Variants in TRPC5 observed in about 807,000 individuals in gnomAD.
TRPC5 encodes short transient receptor potential channel 5.
Under a neutral mutation model 56.5 loss-of-function variants are expected in TRPC5, and 9 were observed. That is an observed-to-expected ratio of 0.16 (90% confidence interval 0.10 to 0.28). The LOEUF (loss-of-function observed/expected upper bound fraction) is 0.28, where lower values mean the gene tolerates loss of function less well. Among genes scored for constraint, TRPC5 ranks in the 10% least tolerant of loss-of-function variants. The pLI, the probability that TRPC5 is intolerant of heterozygous loss-of-function variation, is 1.00. For missense variants in TRPC5, 469 were observed against 748.9 expected, an observed-to-expected ratio of 0.63 and a Z score of 4.36; for synonymous variants, 282 against 278.5, an observed-to-expected ratio of 1.01 and a Z score of -0.13.
chrX:112,064,094 C>CG (rs1930523428), intron 1 of TRPC5, among the ~76,000 whole-genome samples: 2 of 112,060 alleles, frequency 1.8e-5, no homozygotes, highest in South Asian at 7.5e-4. Context: ...GGAAAGTAAA[C>CG]GAAGGCCAAG....
intron 1 of TRPC5, among the ~76,000 whole-genome samples, chrX:112,071,876 C>T (rs1930727959): frequency 8.9e-6 from 1 of 111,871 alleles, no homozygotes; most frequent in Non-Finnish European, 1.9e-5. Context: ...CCAATGGCTG[C>T]AGCTCTTAAT....
intron 1 of TRPC5, among the ~76,000 whole-genome samples, chrX:111,962,683 G>A (rs1927417308): frequency 8.9e-6 from 1 of 112,563 alleles, no homozygotes; most frequent in Non-Finnish European, 1.9e-5. Context: ...ATAAAACAGT[G>A]GCAGGGTTTG....
At chrX:111,858,349 G>A (rs976983586) in intron 3 of TRPC5, among the ~76,000 whole-genome samples, 4 of 111,469 alleles carry the variant, frequency 3.6e-5, no homozygotes, top group Non-Finnish European at 7.5e-5. Context: ...GCCTGGAGCA[G>A]TAGGTTTTTA....
chrX:111,806,765 AT>A (rs1013488968), intron 7 of TRPC5, among the ~76,000 whole-genome samples: 14 of 106,546 alleles, frequency 1.3e-4, no homozygotes, highest in Non-Finnish European at 2.3e-4. Context: ...AACAGTTACC[AT>A]TTTTTTTTCG....
At chrX:112,017,813 C>T (rs1188308083) in intron 1 of TRPC5, among the ~76,000 whole-genome samples, 1 of 110,016 alleles carries the variant, frequency 9.1e-6, no homozygotes, top group African/African-American at 3.5e-5. Context: ...TCTAGAACAC[C>T]GTTTTACCTG....
chrX:111,787,505 G>A (rs1326131570), intron 7 of TRPC5, among the ~76,000 whole-genome samples: 1 of 107,335 alleles, frequency 9.3e-6, no homozygotes. Context: ...AACTAGAGAA[G>A]CAAGAGCAAA....
intron 2 of TRPC5, among the ~76,000 whole-genome samples, chrX:111,913,877 A>G (rs756693524): frequency 2.4e-4 from 26 of 107,623 alleles, no homozygotes; most frequent in Middle Eastern, 9.4e-3. Flanking sequence ...GGAGAATGGC[A>G]TGAACCCAGG....
At chrX:111,943,375 G>A (rs751148121) in intron 2 of TRPC5, among the ~76,000 whole-genome samples, 6 of 111,403 alleles carry the variant, frequency 5.4e-5, no homozygotes, top group Non-Finnish European at 9.4e-5. Flanking sequence ...CCAGGCCCTC[G>A]CTGTCCCCCT....
At position 111,844,603 on chromosome X, in the gene TRPC5, T is replaced by C. The variant is rs1358278959; in HGVS notation, c.1700+2511A>G. On this transcript the variant is annotated intron_variant, in intron 6 of 10. Transcript: ENST00000262839. ...GCCTCAGCCTCCCAAGTAGCTGGGATTACAGGCATGTGCCACCACACCCGG... is the reference window on the plus strand; with the variant it reads ...GCCTCAGCCTCCCAAGTAGCTGGGACTACAGGCATGTGCCACCACACCCGG... Among the ~76,000 whole-genome samples the C allele has an allele frequency of 2.8e-5, 3 of 108,204 alleles. No homozygotes were observed. In the East Asian group the frequency reaches 8.9e-4, roughly 32 times the overall value. The allele number at this position is 108,204 out of a possible 115,157, so 94.0% of individuals were successfully genotyped here.
At position 111,988,986 on chromosome X, in the gene TRPC5, A is replaced by C. The variant is rs1928282762; in HGVS notation, c.-21-36545T>G. Among the ~76,000 whole-genome samples the C allele has an allele frequency of 6.2e-5, 7 of 112,048 alleles. No individual in the cohort carries two copies. The Admixed American group carries it at 6.7e-4, about 11-fold the overall frequency. On this transcript the variant is annotated intron_variant, in intron 1 of 10. Transcript: ENST00000262839. Reference sequence around the variant, plus strand: ...AGTAGCATTACTAATCCCATTGTGCAAATATATGTATAAAGTTCCTAGAAC... The same window carrying C: ...AGTAGCATTACTAATCCCATTGTGCCAATATATGTATAAAGTTCCTAGAAC...
intron 3 of TRPC5, among the ~76,000 whole-genome samples, chrX:111,863,863 A>C (rs762783705): frequency 8.9e-6 from 1 of 111,953 alleles, no homozygotes; most frequent in South Asian, 3.8e-4. Flanking sequence ...TGTCAAATGA[A>C]ATGATCATGC....
chrX:111,965,348 G>C (rs1927530758), intron 1 of TRPC5, among the ~76,000 whole-genome samples: 2 of 111,663 alleles, frequency 1.8e-5, no homozygotes, highest in Non-Finnish European at 3.8e-5. Flanking sequence ...CCAACAAAGA[G>C]ACTTAGACTC....
chrX:112,006,530 C>G (rs974572313), intron 1 of TRPC5, among the ~76,000 whole-genome samples: 1 of 111,333 alleles, frequency 9.0e-6, no homozygotes, highest in African/African-American at 3.3e-5. Flanking sequence ...CAAAGTCATA[C>G]AGCTAACAAG....
At chrX:111,979,403 C>T (rs1193438890) in intron 1 of TRPC5, among the ~76,000 whole-genome samples, 2 of 110,830 alleles carry the variant, frequency 1.8e-5, no homozygotes, top group Non-Finnish European at 3.8e-5. Context: ...TTTGTGACCA[C>T]GAGCTAAGCA....
At chrX:112,073,558 C>G (rs995443861) in intron 1 of TRPC5, among the ~76,000 whole-genome samples, 1 of 111,554 alleles carries the variant, frequency 9.0e-6, no homozygotes, top group Non-Finnish European at 1.9e-5. Context: ...ATGTGAGCCA[C>G]CATGCCCAGC....
intron 1 of TRPC5, among the ~76,000 whole-genome samples, chrX:112,060,604 T>C (rs1203683634): frequency 1.8e-5 from 2 of 112,052 alleles, no homozygotes; most frequent in Non-Finnish European, 3.8e-5. Flanking sequence ...CTGTGTTTGG[T>C]TGGATTGATC....
At chrX:111,986,219 A>G (rs2148654212) in intron 1 of TRPC5, among the ~76,000 whole-genome samples, 1 of 110,808 alleles carries the variant, frequency 9.0e-6, no homozygotes, top group African/African-American at 3.3e-5. Context: ...TCACCCAAAC[A>G]ATTACAGTAT....
intron 3 of TRPC5, among the ~76,000 whole-genome samples, chrX:111,909,405 T>C (rs1050831056): frequency 1.8e-5 from 2 of 110,395 alleles, no homozygotes; most frequent in African/African-American, 6.5e-5. Flanking sequence ...TATGAAACTA[T>C]GCTTAGATAA....
At chrX:111,894,080 G>A (rs760755985) in intron 3 of TRPC5, among the ~76,000 whole-genome samples, 1 of 111,167 alleles carries the variant, frequency 9.0e-6, no homozygotes, top group Non-Finnish European at 1.9e-5. Flanking sequence ...GGAACACTAT[G>A]GAAAAAAATT....
Sources: allele counts gnomAD v4.1 joint callset (sites outside exome capture counted in the v4.1 genomes callset), GRCh38; gene constraint gnomAD v4.1.1; transcripts MANE v1.5; gene names NCBI Gene and HGNC (gene_info 2026-07-23, HGNC 2026-07-21).